Variants in SNAP25 observed in about 807,000 individuals in gnomAD.
The protein encoded by SNAP25 is synaptosomal-associated protein 25.
Under a neutral mutation model 28.7 loss-of-function variants are expected in SNAP25, and 3 were observed. The observed-to-expected ratio is 0.10, with a 90% confidence interval of 0.05 to 0.27. The LOEUF (loss-of-function observed/expected upper bound fraction) is 0.27, where lower values mean the gene tolerates loss of function less well. SNAP25 is among the 10% of genes least tolerant of loss of function. SNAP25 has a pLI of 1.00. For missense variants in SNAP25, 117 were observed against 278.7 expected, an observed-to-expected ratio of 0.42 and a Z score of 4.13; for synonymous variants, 61 against 88.1, an observed-to-expected ratio of 0.69 and a Z score of 1.72.
At chr20:10,249,704 A>G (rs1203741528) in intron 1 of SNAP25, among the ~76,000 whole-genome samples, 10 of 152,162 alleles carry the variant, frequency 6.6e-5, no homozygotes, top group Admixed American at 5.9e-4. Flanking sequence ...AAACCCCACC[A>G]CAGGCTGACT....
At chr20:10,225,493 A>T (rs546799790) in intron 1 of SNAP25, among the ~76,000 whole-genome samples, 3 of 152,164 alleles carry the variant, frequency 2.0e-5, no homozygotes, top group Admixed American at 1.3e-4. Flanking sequence ...CAGTCAAATG[A>T]TGCCTGCTCC....
At chr20:10,241,064 C>T (rs747220696) in intron 1 of SNAP25, among the ~76,000 whole-genome samples, 1 of 152,124 alleles carries the variant, frequency 6.6e-6, no homozygotes, top group Non-Finnish European at 1.5e-5. Context: ...TCTAGGGCTG[C>T]GTGCCCTGCT....
chr20:10,272,434 C>A (rs362574), intron 1 of SNAP25, among the ~76,000 whole-genome samples: 60,380 of 151,912 alleles, frequency 0.4, 12,305 homozygotes, highest in Middle Eastern at 0.48. Context: ...GGTCCATAGT[C>A]TACTCAACTT....
At chr20:10,248,606 A>G (rs1037327388) in intron 1 of SNAP25, among the ~76,000 whole-genome samples, 7 of 152,174 alleles carry the variant, frequency 4.6e-5, no homozygotes, top group Non-Finnish European at 1.0e-4. Context: ...CACAACAACG[A>G]TCATTTTTGA....
chr20:10,224,257 C>CTTTTGTTT (rs2062690390), intron 1 of SNAP25, among the ~76,000 whole-genome samples: 1 of 17,418 alleles, frequency 5.7e-5, no homozygotes, highest in Non-Finnish European at 9.5e-5. Context: ...ATGTACATGT[C>CTTTTGTTT]TTTTTTTTTT....
intron 4 of SNAP25, among the ~76,000 whole-genome samples, chr20:10,291,345 G>A (rs1457932898): frequency 6.6e-6 from 1 of 152,088 alleles, no homozygotes; most frequent in Non-Finnish European, 1.5e-5. Flanking sequence ...CTAAGTGCTG[G>A]GATCACAGGC....
Position 10,306,416 on chromosome 20 carries a change from T to C in SNAP25, c.*219T>C. On this transcript the variant is annotated 3_prime_UTR_variant, in exon 8 of 8. Transcript: ENST00000254976. ...CCAAAGGTTGTACATAGTGGTCATTTGGTGGCTCTAACTCCTTGAGGTCTT... is the reference window on the plus strand; with the variant it reads ...CCAAAGGTTGTACATAGTGGTCATTCGGTGGCTCTAACTCCTTGAGGTCTT... The C allele has an allele frequency of 2.2e-6, 1 of 447,782 alleles. No individual in the cohort carries two copies. The highest frequency in any genetic ancestry group is 4.0e-6 in the Non-Finnish European group (1 of 248,728). The allele number at this position is 447,782 out of a possible 1,614,324, so 27.7% of individuals were successfully genotyped here.
At chr20:10,297,126 T>C in intron 6 of SNAP25, 76 bp downstream of exon 6, 1 of 1,443,300 alleles carries the variant, frequency 6.9e-7, no homozygotes, top group South Asian at 1.5e-5. Context: ...AGTGGTTTTC[T>C]AAAAAACAAC....
chr20:10,263,058 G>A (rs987047761), intron 1 of SNAP25, among the ~76,000 whole-genome samples: 3 of 112,408 alleles, frequency 2.7e-5, no homozygotes, highest in Non-Finnish European at 5.0e-5. Flanking sequence ...TCGCTCTGTC[G>A]CCCAGGCTGG....
At chr20:10,305,947 T>C (rs1600807343) in intron 7 of SNAP25, among the ~76,000 whole-genome samples, 182 bp from the exon 8 acceptor site, 1 of 151,866 alleles carries the variant, frequency 6.6e-6, no homozygotes, top group African/African-American at 2.4e-5. Context: ...ATTAAGCTTC[T>C]ACGGTCACAT....
At chr20:10,238,401 A>T (rs1246782435) in intron 1 of SNAP25, among the ~76,000 whole-genome samples, 1 of 152,228 alleles carries the variant, frequency 6.6e-6, no homozygotes, top group African/African-American at 2.4e-5. Flanking sequence ...GCAAGGACTA[A>T]GAGAGGGAAT....
intron 1 of SNAP25, among the ~76,000 whole-genome samples, chr20:10,273,764 T>C (rs1344083736): frequency 6.6e-6 from 1 of 152,140 alleles, no homozygotes; most frequent in Non-Finnish European, 1.5e-5. Context: ...CATGCAACAG[T>C]GAGGTTAAAG....
At chr20:10,286,523 G>A (rs2123076453) in intron 4 of SNAP25, among the ~76,000 whole-genome samples, 1 of 152,170 alleles carries the variant, frequency 6.6e-6, no homozygotes, top group South Asian at 2.1e-4. Context: ...GCCCTGTGTT[G>A]GGCAGAAATG....
At chr20:10,240,497 AG>A (rs1260111009) in intron 1 of SNAP25, among the ~76,000 whole-genome samples, 1 of 152,202 alleles carries the variant, frequency 6.6e-6, no homozygotes, top group Non-Finnish European at 1.5e-5. Context: ...GAGATGATAA[AG>A]AACTTGGGCA....
In SNAP25 at chr20:10,273,726, C is replaced by T. The variant is rs78884577; in HGVS notation, c.-63-1703C>T. Among the ~76,000 whole-genome samples, 612 of 152,348 alleles carry T rather than the reference C, an allele frequency of 4.0e-3. 4 individuals carry two copies. Among genetic ancestry groups the T allele is most frequent in the African/African-American group, 0.014 (575 of 41,576 alleles). On this transcript the variant is annotated intron_variant, in intron 1 of 7. Transcript: ENST00000254976. ...ATTAGAAATGTAATTCCTGGCTGCA[C>T]AGCCATTTCCCAGAGATCATGCTCT...
In SNAP25 at chr20:10,230,893, G is replaced by A. The variant is rs141050235; in HGVS notation, c.-64+11916G>A. ...GGAAGGTGAGCATTCACAGAGTGAG[G>A]ACAAGTGTGTGGGATGGGGGCCAAC... On this transcript the variant is annotated intron_variant, in intron 1 of 7. Transcript: ENST00000254976. Among the ~76,000 whole-genome samples, 41 of 152,268 alleles carry A rather than the reference G, an allele frequency of 2.7e-4. No homozygotes were observed. The East Asian group carries it at 7.5e-3, about 28-fold the overall frequency.
chr20:10,278,165 G>A (rs191034502), intron 3 of SNAP25: 3 of 152,932 alleles, frequency 2.0e-5, no homozygotes, highest in East Asian at 1.9e-4. Flanking sequence ...AAATATGTAC[G>A]CATATAGGTG....
intron 7 of SNAP25, among the ~76,000 whole-genome samples, chr20:10,304,681 T>C (rs1372975443): frequency 7.2e-5 from 11 of 152,232 alleles, no homozygotes; most frequent in Non-Finnish European, 8.8e-5. Flanking sequence ...CGTGACTTTT[T>C]TTTGCTTTTT....
At chr20:10,301,721 G>A (rs2091817831) in intron 7 of SNAP25, among the ~76,000 whole-genome samples, 1 of 151,880 alleles carries the variant, frequency 6.6e-6, no homozygotes, top group African/African-American at 2.4e-5. Flanking sequence ...CAATAGTGAA[G>A]TTTTGGGAGT....
Sources: gnomAD v4.1 joint callset for allele counts (sites outside exome capture counted in the v4.1 genomes callset) on GRCh38, gnomAD v4.1.1 for gene constraint, MANE v1.5 for transcripts, NCBI Gene and HGNC (gene_info 2026-07-23, HGNC 2026-07-21) for gene names.